The following HIF3A variants were observed in gnomAD, a reference collection of about 807,000 sequenced individuals.
HIF3A encodes the protein hypoxia inducible factor 3 subunit alpha.
A neutral mutation model predicts 67.2 loss-of-function variants in HIF3A; 41 were observed. The observed-to-expected ratio is 0.61, with a 90% CI of 0.48 to 0.79. The LOEUF (loss-of-function observed/expected upper bound fraction) is 0.79, where lower values mean the gene tolerates loss of function less well. Ranked by LOEUF, HIF3A falls within the 30% of genes least tolerant of loss-of-function variation. The probability of loss-of-function intolerance (pLI) is 0.00; values close to 1 mark genes in which losing one functional copy is unlikely to be tolerated. For missense variants in HIF3A, 855 were observed against 898.0 expected (o/e 0.95, Z 0.61); for synonymous variants, 356 against 374.8 (o/e 0.95, Z 0.58).
chr19:46,297,086 G>C lies in HIF3A; in HGVS notation c.10G>C (p.Gly4Arg). MAL[G>R]LQRARSTTEL... ...CGGCGACTGGCGAGCCATGGCGCTGGGGCTGCAGCGCGCAAGGTACTGAAG... is the reference window on the plus strand; with the variant it reads ...CGGCGACTGGCGAGCCATGGCGCTGCGGCTGCAGCGCGCAAGGTACTGAAG... The change falls in exon 1 of 15, where the codon GGG becomes CGG. Residue 4 changes from glycine (G) to arginine (R), a missense_variant. Physicochemically the swap from Gly to Arg is moderately radical, Grantham distance 125. Around this residue, in one of 3 missense-constraint regions of HIF3A, gnomAD observed 638 missense variants for 660.5 expected, o/e 0.97. Coordinates refer to ENST00000377670, the MANE Select transcript of HIF3A (RefSeq NM_152795.4). This position sits in a 1 kb window ranked among gnomAD's most constrained non-coding sequence, Gnocchi z 4.5. The C allele has an allele frequency of 7.7e-7, 1 of 1,307,160 alleles. No individual in the cohort carries two copies. Among genetic ancestry groups the C allele is most frequent in the Non-Finnish European group, 9.8e-7 (1 of 1,018,018 alleles). 81.0% of individuals were successfully genotyped at this position (1,307,160 alleles called of 1,614,324 possible). A position where few individuals can be genotyped will look rare whatever the true frequency, so the allele number is the denominator to read the frequency against.
intron 13 of HIF3A, among the ~76,000 whole-genome samples, 199 bp from the exon 14 acceptor site, chr19:46,334,706 C>A (rs1336984011): frequency 6.6e-6 from 1 of 152,062 alleles, no homozygotes; most frequent in East Asian, 1.9e-4. Flanking sequence ...TGCCATCACA[C>A]CCAGCTAATT....
chr19:46,319,173 G>A (rs183059668), intron 8 of HIF3A, among the ~76,000 whole-genome samples: 3 of 152,252 alleles, frequency 2.0e-5, no homozygotes, highest in Admixed American at 6.5e-5. Context: ...GTATGTGAGC[G>A]CTCCTGTTTG....
chr19:46,313,535 A>G (rs138838891), intron 8 of HIF3A, among the ~76,000 whole-genome samples: 81 of 151,264 alleles, frequency 5.4e-4, no homozygotes, highest in Non-Finnish European at 1.0e-3. Flanking sequence ...TGGTTTGCAT[A>G]TGGTAAATTC....
chr19:46,319,149 A>G (rs1026698758), intron 8 of HIF3A, among the ~76,000 whole-genome samples: 13 of 152,062 alleles, frequency 8.5e-5, no homozygotes, highest in Admixed American at 7.9e-4. Flanking sequence ...ATGTGTCCCT[A>G]TATGCACTCA....
chr19:46,298,129 C>T (rs1263853999), intron 1 of HIF3A, among the ~76,000 whole-genome samples: 2 of 152,042 alleles, frequency 1.3e-5, no homozygotes, highest in African/African-American at 4.8e-5. Flanking sequence ...ATGTGAGGCA[C>T]CCAGTAAGCC....
chr19:46,300,491 T>C (rs1321031152), intron 1 of HIF3A, among the ~76,000 whole-genome samples: 1 of 152,082 alleles, frequency 6.6e-6, no homozygotes, highest in Non-Finnish European at 1.5e-5. Context: ...TGAAACCCTG[T>C]CTCTACTAAA....
chr19:46,319,773 G>A (rs888442856), intron 8 of HIF3A, among the ~76,000 whole-genome samples: 6 of 151,984 alleles, frequency 3.9e-5, no homozygotes, highest in Admixed American at 2.6e-4. Flanking sequence ...TCCTCTCTCT[G>A]TTCCTAGGTC....
rs751992470 is a variant in HIF3A at position 46,321,877 on chromosome 19, C to A, written c.1246C>A (p.Arg416Ser). 1 of 1,613,990 alleles carries A rather than the reference C, an allele frequency of 6.2e-7. No individual in the cohort carries two copies. The highest frequency in any genetic ancestry group is 2.2e-5 in the East Asian group (1 of 44,866). ...CCGTTTCTGCAGCCCTGACCTCCGT[C>A]GCCTCCTGGGACCCATCCTGGATGG... is the stretch of plus-strand genomic sequence containing the variant. ...PRRFCSPDLR[R>S]LLGPILDGAS... The change falls in exon 10 of 15, where the codon CGC becomes AGC. Residue 416 changes from arginine (R) to serine (S), a missense_variant. Arg to Ser is a moderately radical substitution (Grantham distance 110). This residue lies in a region of HIF3A where 638 missense variants were observed against 660.5 expected (regional missense o/e 0.97). Coordinates refer to ENST00000377670, the MANE Select transcript of HIF3A (RefSeq NM_152795.4).
chr19:46,309,472 T>C (rs1037842227), intron 6 of HIF3A, 113 bp downstream of exon 6: 6 of 588,714 alleles, frequency 1.0e-5, no homozygotes, highest in Non-Finnish European at 1.7e-5. Flanking sequence ...ACTTCATCCA[T>C]CTCTCTCTCT....
At chr19:46,307,460 G>A (rs935497723) in intron 3 of HIF3A, among the ~76,000 whole-genome samples, 3 of 151,948 alleles carry the variant, frequency 2.0e-5, no homozygotes, top group African/African-American at 4.8e-5. Flanking sequence ...GTAAAAATTA[G>A]CCAAAAGCTG....
chr19:46,335,247 CATTTATTTATTT>C (rs374748726), intron 14 of HIF3A, among the ~76,000 whole-genome samples: 22 of 146,290 alleles, frequency 1.5e-4, no homozygotes, highest in Admixed American at 6.1e-4. Context: ...CCTATGATCA[CATTTATTTATTT>C]ATTTATTTAT....
intron 8 of HIF3A, among the ~76,000 whole-genome samples, chr19:46,319,787 T>G (rs1030831302): frequency 5.3e-5 from 8 of 152,130 alleles, no homozygotes; most frequent in African/African-American, 9.7e-5. Flanking sequence ...CTAGGTCTCC[T>G]CCCGCTTCTG....
chr19:46,298,203 TA>T, intron 1 of HIF3A: 1 of 314,388 alleles, frequency 3.2e-6, no homozygotes, highest in South Asian at 2.3e-5. Context: ...CCCATGTTTC[TA>T]ACCGCCCCCA....
rs773358363 is a variant in HIF3A, at chr19:46,338,622, A to G, written c.1913-903A>G. 44 of 676,530 alleles carry G rather than the reference A, an allele frequency of 6.5e-5. 1 individual carries two copies. Among genetic ancestry groups the G allele is most frequent in the Non-Finnish European group, 7.8e-5 (41 of 527,122 alleles). 41.9% of individuals were successfully genotyped at this position (676,530 alleles called of 1,614,324 possible). A position where few individuals can be genotyped will look rare whatever the true frequency, so the allele number is the denominator to read the frequency against. ...ACCAGTACTAGTTATGGTTCAAAAC[A>G]CCTTCCATGGATTTACTCATTTATT... On this transcript the variant is annotated intron_variant, in intron 14 of 14. Coordinates refer to ENST00000377670, the MANE Select transcript of HIF3A (RefSeq NM_152795.4).
chr19:46,331,106 C>A, intron 12 of HIF3A, 50 bp from the exon 13 acceptor site: 1 of 1,462,716 alleles, frequency 6.8e-7, no homozygotes, highest in Non-Finnish European at 9.5e-7. Flanking sequence ...CTGTTATCCA[C>A]ACTTGCCCAG....
intron 8 of HIF3A, among the ~76,000 whole-genome samples, chr19:46,317,559 C>T (rs932822364): frequency 2.0e-5 from 3 of 151,998 alleles, no homozygotes; most frequent in Non-Finnish European, 2.9e-5. Context: ...TCTTCTCTTC[C>T]CTCCTCTCCT....
chr19:46,304,178 C>T (rs895919114), intron 2 of HIF3A, 90 bp downstream of exon 2: 189 of 1,193,422 alleles, frequency 1.6e-4, no homozygotes, highest in Non-Finnish European at 2.1e-4. Context: ...TCCGGGAAGC[C>T]TTATTCTGAC....
At chr19:46,323,340 C>T (rs1460359394) in intron 10 of HIF3A, among the ~76,000 whole-genome samples, 4 of 151,628 alleles carry the variant, frequency 2.6e-5, no homozygotes, top group Admixed American at 6.6e-5. Context: ...TGAGCCACCG[C>T]GCCCGGCCTC....
chr19:46,307,475 C>T (rs141926708), intron 3 of HIF3A, among the ~76,000 whole-genome samples: 1,847 of 152,068 alleles, frequency 0.012, 36 homozygotes, highest in African/African-American at 0.042. Context: ...AAGCTGGATG[C>T]GGTGGCTCAC....
Sources: allele counts gnomAD v4.1 joint callset (sites outside exome capture counted in the v4.1 genomes callset), GRCh38; gene constraint gnomAD v4.1.1; regional missense constraint gnomAD v4.1.1; non-coding constraint Gnocchi (gnomAD v3.1); transcripts MANE v1.5; gene names NCBI Gene and HGNC (gene_info 2026-07-23, HGNC 2026-07-21).